STAT1: variants seen among roughly 807,000 people sequenced by gnomAD.
STAT1 encodes the protein signal transducer and activator of transcription 1.
Under a neutral mutation model 111.7 loss-of-function variants are expected in STAT1, and 24 were observed. That is an observed-to-expected ratio of 0.21 (90% CI 0.16 to 0.30). The LOEUF is 0.30. STAT1 is among the 10% of genes least tolerant of loss of function. The pLI, the probability that STAT1 is intolerant of heterozygous loss-of-function variation, is 1.00. For synonymous variants in STAT1, 332 were observed against 326.5 expected (o/e 1.02, Z -0.18); for missense variants, 351 against 911.9 (o/e 0.38, Z 7.92).
At position 190,977,094 on chromosome 2, in the gene STAT1, C is replaced by T. The variant is rs1691965491; in HGVS notation, c.1874-69G>A. 3 of 1,495,176 alleles carry T rather than the reference C, an allele frequency of 2.0e-6. No homozygotes were observed. Among genetic ancestry groups the T allele is most frequent in the South Asian group, 1.1e-5 (1 of 88,256 alleles). 92.6% of individuals were successfully genotyped at this position (1,495,176 alleles called of 1,614,324 possible). On this transcript the variant is annotated intron_variant, in intron 21 of 24. Transcript: ENST00000361099. The surrounding 1 kb of genome is among the most constrained non-coding windows in gnomAD (Gnocchi z 4.7). ...AATGAAAGAGGACAGAGAAATAAAA[C>T]ACTGCAGAGTTGATGGATTTGAGTG...
rs981672258 is a variant in STAT1 at position 190,985,111 on chromosome 2, CT to C, written c.1263+507del. ...CCAAAACAACTCCAGATATTTCATC[CT>C]TTGTCCATAGTTCATTTCTGAATGC... On this transcript the variant is annotated intron_variant, in intron 15 of 24. Coordinates refer to ENST00000361099, the MANE Select transcript of STAT1 (RefSeq NM_007315.4). Among the ~76,000 whole-genome samples, 225 of 152,346 alleles carry C rather than the reference CT, an allele frequency of 1.5e-3. 1 individual carries two copies. Among genetic ancestry groups the C allele is most frequent in the African/African-American group, 5.3e-3 (221 of 41,576 alleles).
In STAT1 at chr2:190,993,041, C is replaced by T. The variant is rs1693506883; in HGVS notation, c.945-1721G>A. ...CTGACCTCAGGTGATCCACCCACCT[C>T]GGCCTCCCAAAGTGCTGGGATTACA... is the stretch of plus-strand genomic sequence containing the variant. On this transcript the variant is annotated intron_variant, in intron 10 of 24. Coordinates refer to ENST00000361099, the MANE Select transcript of STAT1 (RefSeq NM_007315.4). The surrounding 1 kb of genome is among the most constrained non-coding windows in gnomAD (Gnocchi z 4.1). The T allele has an allele frequency of 8.7e-5, 27 of 310,592 alleles. 1 individual carries two copies. The highest frequency in any genetic ancestry group is 6.9e-4 in the South Asian group (23 of 33,110). 19.2% of individuals were successfully genotyped at this position (310,592 alleles called of 1,614,324 possible).
At chr2:190,988,642 G>A (rs1413119644) in intron 12 of STAT1, among the ~76,000 whole-genome samples, 1 of 151,308 alleles carries the variant, frequency 6.6e-6, no homozygotes, top group South Asian at 2.1e-4. Context: ...GCCTCCCAAA[G>A]TGCTGGGATT....
In STAT1 at chr2:190,995,048, TC is replaced by T; in HGVS notation, c.944+12del. 3 of 1,613,036 alleles carry T rather than the reference TC, an allele frequency of 1.9e-6. No individual in the cohort carries two copies. The highest frequency in any genetic ancestry group is 2.5e-6 in the Non-Finnish European group (3 of 1,179,424). ...CGATTACAGAAGGTACAAATAAATGTCCCTTGAGTTACCTCTGAATGAGCTG... is the reference window on the plus strand; with the variant it reads ...CGATTACAGAAGGTACAAATAAATGTCCTTGAGTTACCTCTGAATGAGCTG... On this transcript the variant is annotated intron_variant, in intron 10 of 24. Transcript: ENST00000361099. This position sits in a 1 kb window ranked among gnomAD's most constrained non-coding sequence, Gnocchi z 4.2.
At chr2:190,988,165 G>A (rs564434068) in intron 12 of STAT1, among the ~76,000 whole-genome samples, 1 of 152,292 alleles carries the variant, frequency 6.6e-6, no homozygotes, top group African/African-American at 2.4e-5. Flanking sequence ...AGCACTCACA[G>A]GCCTTGTTCA....
chr2:190,982,287 T>A lies in STAT1; in HGVS notation c.1582+96A>T. 1 of 1,464,124 alleles carries A rather than the reference T, an allele frequency of 6.8e-7. No homozygotes were observed. The highest frequency in any genetic ancestry group is 1.2e-5 in the South Asian group (1 of 86,100). The allele number at this position is 1,464,124 out of a possible 1,614,324, so 90.7% of individuals were successfully genotyped here. ...AAGCTGACAGATTTTAGTACTTTTT[T>A]ACCTTTAACAAAATAGCAGAGGGGA... On this transcript the variant is annotated intron_variant, in intron 18 of 24. Coordinates refer to ENST00000361099, the MANE Select transcript of STAT1 (RefSeq NM_007315.4). This position sits in a 1 kb window ranked among gnomAD's most constrained non-coding sequence, Gnocchi z 7.3.
At position 190,974,733 on chromosome 2, in the gene STAT1, C is replaced by A. The variant is rs2066803; in HGVS notation, c.2238+97G>T. 33,683 of 1,114,776 alleles carry A rather than the reference C, an allele frequency of 0.03. 919 individuals are homozygous for A. The highest frequency in any genetic ancestry group is 0.1 in the South Asian group (8,103 of 78,822). The allele number at this position is 1,114,776 out of a possible 1,614,324, so 69.1% of individuals were successfully genotyped here. A position where few individuals can be genotyped will look rare whatever the true frequency, so the allele number is the denominator to read the frequency against. ...CTCTCCTTGGCTCCGCCAGGGCTCC[C>A]TCCCGCAGACAGGCCCGGGATCTGC... On this transcript the variant is annotated intron_variant, in intron 24 of 24. Transcript: ENST00000361099. This position sits in a 1 kb window ranked among gnomAD's most constrained non-coding sequence, Gnocchi z 4.8.
At chr2:191,010,801 G>C (rs1384347653) in intron 2 of STAT1, among the ~76,000 whole-genome samples, 7 of 152,126 alleles carry the variant, frequency 4.6e-5, no homozygotes, top group African/African-American at 1.7e-4. Context: ...AATTTAAAAG[G>C]ATAAAGTAAC....
rs2124979931 is a variant in STAT1 at position 190,971,561 on chromosome 2, A to C, written c.2239-844T>G. Among the ~76,000 whole-genome samples the C allele has an allele frequency of 6.6e-6, 1 of 152,294 alleles. No homozygotes were observed. Among genetic ancestry groups the C allele is most frequent in the Non-Finnish European group, 1.5e-5 (1 of 68,028 alleles). ...CTGAGACACATGGCACTAGACTGGA[A>C]AGCCTCTGGAGAACTTTTTTTTAAT... On this transcript the variant is annotated intron_variant, in intron 24 of 24. Coordinates refer to ENST00000361099, the MANE Select transcript of STAT1 (RefSeq NM_007315.4). The surrounding 1 kb of genome is among the most constrained non-coding windows in gnomAD (Gnocchi z 4.1).
chr2:191,000,640 T>C lies in STAT1; in HGVS notation c.462+434A>G, dbSNP rs555837139. Among the ~76,000 whole-genome samples, 141 of 152,220 alleles carry C rather than the reference T, an allele frequency of 9.3e-4. 1 individual carries two copies. Among genetic ancestry groups the C allele is most frequent in the Non-Finnish European group, 1.7e-3 (118 of 68,046 alleles). On this transcript the variant is annotated intron_variant, in intron 6 of 24. Transcript: ENST00000361099. The surrounding 1 kb of genome is among the most constrained non-coding windows in gnomAD (Gnocchi z 4.8). ...TTGCTGTGGATGTCTTAATCAGAAATGTATCCAAATTTCTTTCAATAAAAT... is the reference window on the plus strand; with the variant it reads ...TTGCTGTGGATGTCTTAATCAGAAACGTATCCAAATTTCTTTCAATAAAAT...
chr2:190,993,537 A>C lies in STAT1; in HGVS notation c.944+1524T>G, dbSNP rs1693561067. 87 of 685,946 alleles carry C rather than the reference A, an allele frequency of 1.3e-4. 4 individuals carry two copies. Among genetic ancestry groups the C allele is most frequent in the South Asian group, 1.3e-3 (85 of 67,680 alleles). 42.5% of individuals were successfully genotyped at this position (685,946 alleles called of 1,614,324 possible). A position where few individuals can be genotyped will look rare whatever the true frequency, so the allele number is the denominator to read the frequency against. ...GTCGCCAATCAGAAGTAATTTGAAT[A>C]AATAATCAATTTGGGATTCATGCTG... On this transcript the variant is annotated intron_variant, in intron 10 of 24. Coordinates refer to ENST00000361099, the MANE Select transcript of STAT1 (RefSeq NM_007315.4). This position sits in a 1 kb window ranked among gnomAD's most constrained non-coding sequence, Gnocchi z 4.1.
chr2:190,998,171 A>G lies in STAT1; in HGVS notation c.633+46T>C. ...TCTAAACTTTGAGTCCATTATTTAC[A>G]GTGTATAACAAAAGTGGCATGCTAT... On this transcript the variant is annotated intron_variant, in intron 8 of 24. Coordinates refer to ENST00000361099, the MANE Select transcript of STAT1 (RefSeq NM_007315.4). The surrounding 1 kb of genome is among the most constrained non-coding windows in gnomAD (Gnocchi z 4.1). 6.3e-7 allele frequency: 1 copy of G among 1,578,330 alleles called. No homozygotes were observed. Among genetic ancestry groups the G allele is most frequent in the Non-Finnish European group, 8.7e-7 (1 of 1,147,938 alleles).
rs1176246342 is a variant in STAT1 at position 190,979,015 on chromosome 2, A to G, written c.1728-14T>C. On this transcript the variant is annotated splice_polypyrimidine_tract_variant and intron_variant, in intron 20 of 24. Transcript: ENST00000361099. This position sits in a 1 kb window ranked among gnomAD's most constrained non-coding sequence, Gnocchi z 5.8. ...CCCATGATGCACCTGGATATCGAAG[A>G]GATGGACGGATGGGCTTTTAGTTCA... 1.9e-6 allele frequency: 3 copies of G among 1,614,174 alleles called. No individual in the cohort carries two copies. Among genetic ancestry groups the G allele is most frequent in the South Asian group, 2.2e-5 (2 of 91,082 alleles).
chr2:190,970,604 T>C lies in STAT1; in HGVS notation c.*99A>G. 2 of 1,411,582 alleles carry C rather than the reference T, an allele frequency of 1.4e-6. No homozygotes were observed. Among genetic ancestry groups the C allele is most frequent in the Non-Finnish European group, 1.0e-6 (1 of 999,020 alleles). 87.4% of individuals were successfully genotyped at this position (1,411,582 alleles called of 1,614,324 possible). On this transcript the variant is annotated 3_prime_UTR_variant, in exon 25 of 25. Coordinates refer to ENST00000361099, the MANE Select transcript of STAT1 (RefSeq NM_007315.4). The surrounding 1 kb of genome is among the most constrained non-coding windows in gnomAD (Gnocchi z 5.4). ...AGCGAATTTGCTGGCCTTTCTTTCATTTCCCTAGAAACACAGGATGTGAAG... is the reference window on the plus strand; with the variant it reads ...AGCGAATTTGCTGGCCTTTCTTTCACTTCCCTAGAAACACAGGATGTGAAG...
chr2:191,008,501 C>T (rs111515800), intron 4 of STAT1, among the ~76,000 whole-genome samples: 1 of 152,182 alleles, frequency 6.6e-6, no homozygotes, highest in African/African-American at 2.4e-5. Flanking sequence ...AAGGTGGAGT[C>T]TAGTTCCTGA....
At position 190,977,300 on chromosome 2, in the gene STAT1, C is replaced by T. The variant is rs1255059910; in HGVS notation, c.1874-275G>A. On this transcript the variant is annotated intron_variant, in intron 21 of 24. Coordinates refer to ENST00000361099, the MANE Select transcript of STAT1 (RefSeq NM_007315.4). This position sits in a 1 kb window ranked among gnomAD's most constrained non-coding sequence, Gnocchi z 4.7. ...TGGGCAAAAAAGATTTATTAAAAAC[C>T]TTTAAAAGCCTGCATCTTCAATGAT... 6.6e-6 allele frequency among the ~76,000 whole-genome samples: 1 copy of T among 152,136 alleles called. No homozygotes were observed. The highest frequency in any genetic ancestry group is 2.4e-5 in the African/African-American group (1 of 41,424).
rs1692652972 is a variant in STAT1 at position 190,984,677 on chromosome 2, C to T, written c.1264-284G>A. ...CTTTGTGACCTAAGGCTTCTCGACC[C>T]TCAGCTCTGTCTGCCTGCCCAGTGT... On this transcript the variant is annotated intron_variant, in intron 15 of 24. Coordinates refer to ENST00000361099, the MANE Select transcript of STAT1 (RefSeq NM_007315.4). The surrounding 1 kb of genome is among the most constrained non-coding windows in gnomAD (Gnocchi z 5.2). Among the ~76,000 whole-genome samples the T allele has an allele frequency of 6.6e-6, 1 of 152,162 alleles. No homozygotes were observed. Among genetic ancestry groups the T allele is most frequent in the Non-Finnish European group, 1.5e-5 (1 of 68,022 alleles).
rs1304671956 is a variant in STAT1 at position 191,004,705 on chromosome 2, G to A, written c.372+2858C>T. 6.6e-6 allele frequency among the ~76,000 whole-genome samples: 1 copy of A among 152,126 alleles called. No homozygotes were observed. Among genetic ancestry groups the A allele is most frequent in the Non-Finnish European group, 1.5e-5 (1 of 68,022 alleles). On this transcript the variant is annotated intron_variant, in intron 5 of 24. Coordinates refer to ENST00000361099, the MANE Select transcript of STAT1 (RefSeq NM_007315.4). The surrounding 1 kb of genome is among the most constrained non-coding windows in gnomAD (Gnocchi z 5.0). ...AATACCTAACTTCAGTGATAGTTTC[G>A]AAAGTATTTACTCAAATGAAATAAT...
chr2:190,985,896 G>C (rs1481704801), intron 14 of STAT1, among the ~76,000 whole-genome samples: 1 of 152,182 alleles, frequency 6.6e-6, no homozygotes, highest in African/African-American at 2.4e-5. Flanking sequence ...ATCACAACCC[G>C]CTCCTCTCCT....
Sources: gnomAD v4.1 joint callset for allele counts (sites outside exome capture counted in the v4.1 genomes callset) on GRCh38, gnomAD v4.1.1 for gene constraint, Gnocchi (gnomAD v3.1) non-coding constraint, MANE v1.5 for transcripts, NCBI Gene and HGNC (gene_info 2026-07-23, HGNC 2026-07-21) for gene names.